GSE1: variants seen among roughly 807,000 people sequenced by gnomAD.
GSE1 encodes the protein genetic suppressor element 1.
A neutral mutation model predicts 112.6 loss-of-function variants in GSE1; 32 were observed. That is an observed-to-expected ratio of 0.28 (90% CI 0.21 to 0.38). The LOEUF is 0.38. Among genes scored for constraint, GSE1 ranks in the 10% least tolerant of loss-of-function variants. GSE1 has a pLI of 1.00. For missense variants in GSE1, 2,348 were observed against 1,699.2 expected (o/e 1.38, Z -6.71); for synonymous variants, 1,115 against 735.6 (o/e 1.52, Z -8.35).
intron 2 of GSE1, among the ~76,000 whole-genome samples, chr16:85,404,227 AG>A (rs1454480985): frequency 2.3e-5 from 2 of 87,704 alleles, no homozygotes; most frequent in East Asian, 6.7e-4. Flanking sequence ...CGTTACACTC[AG>A]GGCCCCCCCG....
intron 3 of GSE1, among the ~76,000 whole-genome samples, chr16:85,651,353 C>T (rs548231095): frequency 6.6e-6 from 1 of 151,992 alleles, no homozygotes; most frequent in Non-Finnish European, 1.5e-5. Flanking sequence ...CAGACGGAAG[C>T]CACAGACATG....
At chr16:85,211,783 G>A (rs1048159136) in intron 1 of GSE1, among the ~76,000 whole-genome samples, 1 of 152,242 alleles carries the variant, frequency 6.6e-6, no homozygotes, top group Non-Finnish European at 1.5e-5. Context: ...CCACTCCGCT[G>A]CTGCCTCTTG....
chr16:85,310,394 G>A lies in GSE1; in HGVS notation c.2284-47069G>A, dbSNP rs142984965. Among the ~76,000 whole-genome samples the A allele has an allele frequency of 7.9e-5, 12 of 152,318 alleles. No individual in the cohort carries two copies. The South Asian group carries it at 1.2e-3, about 16-fold the overall frequency. On this transcript the variant is annotated intron_variant, in intron 1 of 2. Coordinates refer to the GSE1 transcript ENST00000637419. ...ACAGTAGCTACTTTATTAAGCTGTC[G>A]TTCTCATTAATGTCATTGTCGGCTG...
chr16:85,427,411 G>A (rs971806772), intron 2 of GSE1, among the ~76,000 whole-genome samples: 2 of 152,234 alleles, frequency 1.3e-5, no homozygotes, highest in Non-Finnish European at 2.9e-5. Context: ...GGAGGCTGAG[G>A]TGGGTGGAGC....
intron 2 of GSE1, among the ~76,000 whole-genome samples, chr16:85,436,538 G>C (rs575184589): frequency 1.3e-5 from 2 of 152,354 alleles, no homozygotes; most frequent in East Asian, 3.9e-4. Flanking sequence ...GGAACAGGGG[G>C]CCTCCCTTCC....
At chr16:85,196,707 A>G (rs1478005142) in intron 1 of GSE1, among the ~76,000 whole-genome samples, 1 of 152,132 alleles carries the variant, frequency 6.6e-6, no homozygotes, top group African/African-American at 2.4e-5. Context: ...GCGACATGCT[A>G]TCCTTCTTTG....
At chr16:85,553,773 G>A (rs544219766), upstream of GSE1, among the ~76,000 whole-genome samples, 31 of 152,298 alleles carry the variant, frequency 2.0e-4, no homozygotes, top group African/African-American at 7.2e-4. Flanking sequence ...CAAAAGGCAC[G>A]CCGCTGCCCC....
intron 2 of GSE1, among the ~76,000 whole-genome samples, chr16:85,422,517 C>T (rs1357516818): frequency 6.6e-6 from 1 of 150,488 alleles, no homozygotes; most frequent in Non-Finnish European, 1.5e-5. Flanking sequence ...GAGCAGCGTG[C>T]GGGAGTCCCC....
Position 85,181,977 on chromosome 16 carries a change from A to G in GSE1, c.2283+10170A>G, listed in dbSNP as rs548178329. Among the ~76,000 whole-genome samples the G allele has an allele frequency of 2.6e-5, 4 of 152,262 alleles. No individual in the cohort carries two copies. In the East Asian group the frequency reaches 7.8e-4, roughly 30 times the overall value. On this transcript the variant is annotated intron_variant, in intron 1 of 2. Coordinates refer to the GSE1 transcript ENST00000637419. The stretch of plus-strand genomic sequence containing the variant: ...TTGAGACGGACCGTCTCACGGCTGT[A>G]CACTGTTCTTTCTCTTGTGCAATTG...
chr16:85,183,348 G>A (rs548916589), intron 1 of GSE1, among the ~76,000 whole-genome samples: 7 of 152,222 alleles, frequency 4.6e-5, no homozygotes, highest in Admixed American at 2.0e-4. Context: ...CCGTAGGGGT[G>A]TCCGTCTTAA....
chr16:85,612,459 G>T (rs578160045), upstream of GSE1, among the ~76,000 whole-genome samples: 5 of 152,242 alleles, frequency 3.3e-5, no homozygotes, highest in South Asian at 1.0e-3. Context: ...GTTTCTGGAG[G>T]CGGGCGACCT....
intron 2 of GSE1, among the ~76,000 whole-genome samples, chr16:85,443,911 C>A (rs2049442147): frequency 1.3e-5 from 2 of 150,378 alleles, no homozygotes; most frequent in African/African-American, 4.9e-5. Context: ...TCTGCAGAAG[C>A]TGTGGGCCGG....
chr16:85,573,338 A>G lies in GSE1; in HGVS notation c.37+16975A>G, dbSNP rs546419402. Among the ~76,000 whole-genome samples the G allele has an allele frequency of 2.0e-5, 3 of 152,290 alleles. No individual in the cohort carries two copies. In the East Asian group the frequency reaches 5.8e-4, roughly 29 times the overall value. On this transcript the variant is annotated intron_variant, in intron 1 of 2. Transcript: ENST00000635906. ...CCAAGTCGTCTGTCCTGGCCTGGAT[A>G]GACCACGTTCTGTTTCTCCATGCAT...
Position 85,663,536 on chromosome 16 carries a change from A to T in GSE1, c.2566A>T (p.Asn856Tyr), listed in dbSNP as rs2052602114. The T allele has an allele frequency of 6.2e-7, 1 of 1,613,818 alleles. No individual in the cohort carries two copies. Among genetic ancestry groups the T allele is most frequent in the Non-Finnish European group, 8.5e-7 (1 of 1,179,994 alleles). ...STRYSPDEMNNSPNFEEKKKF... is the reference protein window; with the variant it reads ...STRYSPDEMNYSPNFEEKKKF... ...CCGCTACAGCCCTGATGAGATGAACAACAGTCCCAACTTCGAAGAAAAGAA... is the reference window on the plus strand; with the variant it reads ...CCGCTACAGCCCTGATGAGATGAACTACAGTCCCAACTTCGAAGAAAAGAA... The change falls in exon 11 of 16, where the codon AAC becomes TAC. Residue 856 changes from asparagine (N) to tyrosine (Y), a missense_variant. Coordinates refer to ENST00000253458, the MANE Select transcript of GSE1 (RefSeq NM_014615.5).
chr16:85,426,430 A>G (rs1380433461), intron 2 of GSE1, among the ~76,000 whole-genome samples: 6 of 81,452 alleles, frequency 7.4e-5, no homozygotes, highest in African/African-American at 1.9e-4. Context: ...GAATGGATGA[A>G]TGGGTGGGTG....
intron 1 of GSE1, among the ~76,000 whole-genome samples, chr16:85,575,856 T>C (rs2046206321): frequency 2.0e-5 from 3 of 152,192 alleles, no homozygotes; most frequent in South Asian, 4.1e-4. Context: ...GTTTTAGCTG[T>C]TGAATTTTCA....
At chr16:85,177,140 G>A (rs561420424) in intron 1 of GSE1, among the ~76,000 whole-genome samples, 5 of 152,358 alleles carry the variant, frequency 3.3e-5, no homozygotes, top group Admixed American at 2.0e-4. Context: ...AAGTGAAGGC[G>A]AAAGGTCTTC....
chr16:85,304,674 C>T (rs2045625949), intron 1 of GSE1, among the ~76,000 whole-genome samples: 1 of 151,396 alleles, frequency 6.6e-6, no homozygotes, highest in Admixed American at 6.6e-5. Context: ...TGAAAAGCCA[C>T]CTGTTGGCAG....
chr16:85,664,924 C>A, intron 11 of GSE1, 91 bp from the exon 12 acceptor site: 1 of 858,166 alleles, frequency 1.2e-6, no homozygotes, highest in Non-Finnish European at 1.9e-6. Flanking sequence ...AGTGCTTTGC[C>A]TGCCCCTCAA....
Sources: gnomAD v4.1 joint callset for allele counts (sites outside exome capture counted in the v4.1 genomes callset) on GRCh38, gnomAD v4.1.1 for gene constraint, MANE v1.5 for transcripts, NCBI Gene and HGNC (gene_info 2026-07-23, HGNC 2026-07-21) for gene names.